Variants in LEMD1 observed in about 807,000 individuals in gnomAD.
The protein encoded by LEMD1 is LEM domain-containing protein 1.
In LEMD1, 18 loss-of-function variants were observed where a neutral mutation model predicts 17.4. The observed-to-expected ratio is 1.04, with a 90% CI of 0.72 to 1.54. The LOEUF (loss-of-function observed/expected upper bound fraction) is 1.54. Ranked by LOEUF, LEMD1 falls within the 40% of genes most tolerant of loss-of-function variation. The probability of loss-of-function intolerance (pLI) is 0.00; values close to 1 mark genes in which losing one functional copy is unlikely to be tolerated. For synonymous variants in LEMD1, 88 were observed against 77.8 expected (o/e 1.13, Z -0.69); for missense variants, 195 against 210.4 (o/e 0.93, Z 0.45).
At chr1:205,391,054 C>T (rs1042627824) in intron 4 of LEMD1, among the ~76,000 whole-genome samples, 18 of 152,060 alleles carry the variant, frequency 1.2e-4, no homozygotes, top group African/African-American at 4.3e-4. Flanking sequence ...GCGCAAGTAC[C>T]CCCTGAATCT....
At chr1:205,430,143 G>T (rs1042358960) in intron 1 of LEMD1, among the ~76,000 whole-genome samples, 2 of 152,214 alleles carry the variant, frequency 1.3e-5, no homozygotes, top group African/African-American at 4.8e-5. Context: ...AAACCAGCAG[G>T]CTCCTCACTT....
In LEMD1 at chr1:205,387,697, A is replaced by G. The variant is rs143799498; in HGVS notation, c.271-3333T>C. ...CATTTGGAGCCCAGAGCTGGGGAATATGTGGCCCCCTCTGCTTTTCCACCC... is the reference window on the plus strand; with the variant it reads ...CATTTGGAGCCCAGAGCTGGGGAATGTGTGGCCCCCTCTGCTTTTCCACCC... On this transcript the variant is annotated intron_variant, in intron 4 of 5. Coordinates refer to ENST00000367153, the MANE Select transcript of LEMD1 (RefSeq NM_001199050.2). 1.6e-3 allele frequency among the ~76,000 whole-genome samples: 241 copies of G among 152,306 alleles called. 1 individual carries two copies. The highest frequency in any genetic ancestry group is 5.4e-3 in the African/African-American group (225 of 41,560).
chr1:205,416,438 G>A lies in LEMD1; in HGVS notation c.206-142C>T, dbSNP rs182695934. On this transcript the variant is annotated intron_variant, in intron 3 of 5. Transcript: ENST00000367153. ...TGAAAATTCACGTGGCTCTTCTGAC[G>A]GAAGAGAACATTTCTCCTGAGCTGG... is the stretch of plus-strand genomic sequence containing the variant. 9.7e-4 allele frequency: 609 copies of A among 627,300 alleles called. 3 individuals are homozygous for A. Among genetic ancestry groups the A allele is most frequent in the Non-Finnish European group, 1.3e-3 (456 of 359,264 alleles). 38.9% of individuals were successfully genotyped at this position (627,300 alleles called of 1,614,324 possible).
chr1:205,388,441 G>A (rs371089526), intron 4 of LEMD1, among the ~76,000 whole-genome samples: 3 of 152,170 alleles, frequency 2.0e-5, no homozygotes, highest in South Asian at 2.1e-4. Context: ...CAACTGCCTC[G>A]GCCTCCCAAA....
intron 5 of LEMD1, 24 bp from the exon 6 acceptor site, chr1:205,381,880 A>C: frequency 6.2e-7 from 1 of 1,612,906 alleles, no homozygotes. Context: ...AGTGGCTCTT[A>C]GGATTGTGGA....
chr1:205,442,624 C>A (rs891449199), intron 1 of LEMD1, among the ~76,000 whole-genome samples: 1 of 152,174 alleles, frequency 6.6e-6, no homozygotes, highest in South Asian at 2.1e-4. Context: ...TTTCCACTGG[C>A]CAGCTGGATG....
At chr1:205,383,864 G>A (rs1165524306) in intron 5 of LEMD1, among the ~76,000 whole-genome samples, 1 of 151,026 alleles carries the variant, frequency 6.6e-6, no homozygotes. Context: ...TCGAACTCCT[G>A]ACCTCAGGCA....
chr1:205,411,621 AGAAGGAAG>A (rs1365703453), intron 4 of LEMD1, among the ~76,000 whole-genome samples: 1 of 147,850 alleles, frequency 6.8e-6, no homozygotes, highest in African/African-American at 2.5e-5. Flanking sequence ...AAAGAAGGAA[AGAAGGAAG>A]GAAGGAAGGA....
chr1:205,426,642 C>G (rs567656799), upstream of LEMD1, among the ~76,000 whole-genome samples: 5 of 152,126 alleles, frequency 3.3e-5, no homozygotes, highest in African/African-American at 7.2e-5. Context: ...GGGATGAGAC[C>G]AGGCTGGCTT....
At chr1:205,413,796 A>C (rs955633126) in intron 4 of LEMD1, among the ~76,000 whole-genome samples, 3 of 151,348 alleles carry the variant, frequency 2.0e-5, no homozygotes, top group Non-Finnish European at 4.4e-5. Context: ...GGGACAACAG[A>C]CACATGCCAC....
In LEMD1 at chr1:205,432,590, C is replaced by A. The variant is rs571656100; in HGVS notation, c.-38-12016G>T. Among the ~76,000 whole-genome samples the A allele has an allele frequency of 6.6e-5, 10 of 152,342 alleles. No individual in the cohort carries two copies. In the East Asian group the frequency reaches 1.7e-3, roughly 26 times the overall value. On this transcript the variant is annotated intron_variant, in intron 1 of 3. Coordinates refer to the LEMD1 transcript ENST00000367154. ...AGGAATTTGGGAACAATAAGGCTTA[C>A]CTGTGACAGAAGAGGCTTCCTATCA...
chr1:205,439,185 A>G (rs2102462527), intron 1 of LEMD1, among the ~76,000 whole-genome samples: 1 of 152,308 alleles, frequency 6.6e-6, no homozygotes, highest in African/African-American at 2.4e-5. Context: ...ACTATCCAAG[A>G]GGACAAAGAA....
In LEMD1 at chr1:205,441,165, A is replaced by G. The variant is rs528481397; in HGVS notation, c.-39+8703T>C. The stretch of plus-strand genomic sequence containing the variant: ...AGAACCCTCTGGGTCTGGCCCAGTC[A>G]TTGCCACTCCCTGAGGCGGCCCGCT... On this transcript the variant is annotated intron_variant, in intron 1 of 3. Coordinates refer to the LEMD1 transcript ENST00000367154. This position sits in a 1 kb window ranked among gnomAD's most constrained non-coding sequence, Gnocchi z 4.3. The G allele has an allele frequency of 6.6e-6, 1 of 152,306 alleles. No individual in the cohort carries two copies. Among genetic ancestry groups the G allele is most frequent in the Admixed American group, 6.5e-5 (1 of 15,302 alleles). The allele number at this position is 152,306 out of a possible 1,614,324, so 9.4% of individuals were successfully genotyped here. A position where few individuals can be genotyped will look rare whatever the true frequency, so the allele number is the denominator to read the frequency against.
intron 4 of LEMD1, among the ~76,000 whole-genome samples, chr1:205,389,844 AATT>A (rs746451199): frequency 6.6e-6 from 1 of 152,214 alleles, no homozygotes; most frequent in African/African-American, 2.4e-5. Context: ...ATTGACTAAA[AATT>A]ATTAAGTTGG....
At chr1:205,444,728 C>T (rs904153898) in intron 1 of LEMD1, among the ~76,000 whole-genome samples, 4 of 152,080 alleles carry the variant, frequency 2.6e-5, no homozygotes, top group African/African-American at 9.7e-5. Context: ...TGGGCGGCAG[C>T]GGGGGTGGAA....
At chr1:205,421,618 T>A (rs1412173044) in intron 1 of LEMD1, among the ~76,000 whole-genome samples, 1 of 152,232 alleles carries the variant, frequency 6.6e-6, no homozygotes, top group Non-Finnish European at 1.5e-5. Flanking sequence ...AAGCCATGCT[T>A]TAAAGAGAGT....
intron 1 of LEMD1, among the ~76,000 whole-genome samples, chr1:205,433,157 T>C (rs1666151093): frequency 6.6e-6 from 1 of 152,128 alleles, no homozygotes; most frequent in Non-Finnish European, 1.5e-5. Flanking sequence ...CTTGCCACAT[T>C]GTTTTCTAAA....
chr1:205,401,541 GTTGT>G (rs1196843990), intron 4 of LEMD1, among the ~76,000 whole-genome samples: 11 of 152,038 alleles, frequency 7.2e-5, no homozygotes, highest in Middle Eastern at 6.8e-3. Context: ...TTTTGATGGG[GTTGT>G]TTGTTTTTTT....
intron 1 of LEMD1, among the ~76,000 whole-genome samples, chr1:205,442,192 AG>A (rs1666306418): frequency 6.6e-6 from 1 of 152,152 alleles, no homozygotes; most frequent in African/African-American, 2.4e-5. Context: ...TCCTCTCTCC[AG>A]GAAGAACATG....
Sources: gnomAD v4.1 joint callset for allele counts (sites outside exome capture counted in the v4.1 genomes callset) on GRCh38, gnomAD v4.1.1 for gene constraint, Gnocchi (gnomAD v3.1) non-coding constraint, MANE v1.5 for transcripts, NCBI Gene and HGNC (gene_info 2026-07-23, HGNC 2026-07-21) for gene names.